The following DNAH7 variants were observed in gnomAD, a reference collection of about 807,000 sequenced individuals.
The protein encoded by DNAH7 is axonemal beta dynein heavy chain 7.
In DNAH7, 397 loss-of-function variants were observed where a neutral mutation model predicts 444.6. The observed-to-expected ratio is 0.89, with a 90% CI of 0.82 to 0.97. The LOEUF is 0.97. DNAH7 is among the 50% of genes least tolerant of loss of function. The pLI is 0.00. For missense variants in DNAH7, 4,902 were observed against 4,800.8 expected, an observed-to-expected ratio of 1.02 and a Z score of -0.62; for synonymous variants, 1,636 against 1,624.4, an observed-to-expected ratio of 1.01 and a Z score of -0.17.
At chr2:195,972,177 G>T in intron 16 of DNAH7, 65 bp downstream of exon 16, 3 of 1,322,288 alleles carry the variant, frequency 2.3e-6, no homozygotes, top group Non-Finnish European at 1.1e-6. Context: ...AATTGACAAT[G>T]CTACATAAAA....
chr2:195,941,705 A>G (rs1342538249), intron 19 of DNAH7, among the ~76,000 whole-genome samples: 1 of 152,166 alleles, frequency 6.6e-6, no homozygotes, highest in Non-Finnish European at 1.5e-5. Context: ...CAGAAAATTG[A>G]TAAGATCCTC....
intron 10 of DNAH7, among the ~76,000 whole-genome samples, chr2:196,004,470 G>T (rs1273478497): frequency 2.6e-5 from 4 of 152,128 alleles, no homozygotes; most frequent in Non-Finnish European, 5.9e-5. Flanking sequence ...AAGACACTTA[G>T]AAATTCACAA....
chr2:195,865,067 T>G, intron 40 of DNAH7, 46 bp from the exon 41 acceptor site: 1 of 1,509,678 alleles, frequency 6.6e-7, no homozygotes, highest in Non-Finnish European at 8.8e-7. Flanking sequence ...CTTCTGATTT[T>G]TAAGAAAGTG....
In DNAH7 at chr2:195,794,466, C is replaced by G; in HGVS notation, c.10588G>C (p.Val3530Leu). The part of the protein sequence containing the change: ...LTSYPSPNFP[V>L]SVLQNGVKMT... ...TTCACTCCATTCTGCAGTACTGACA[C>G]AGGGAAATTTGGAGATGGGTAACTC... Residue 3530 changes from valine to leucine, a missense_variant, in exon 57 of 65, where the codon GTG (valine) becomes CTG (leucine). By Grantham distance (32) the Val-to-Leu change is conservative. Coordinates refer to ENST00000312428, the MANE Select transcript of DNAH7 (RefSeq NM_018897.3). 1 of 1,614,132 alleles carries G rather than the reference C, an allele frequency of 6.2e-7. No individual in the cohort carries two copies. Among genetic ancestry groups the G allele is most frequent in the Non-Finnish European group, 8.5e-7 (1 of 1,180,014 alleles).
chr2:195,781,277 T>G (rs182015939), intron 58 of DNAH7, among the ~76,000 whole-genome samples: 34 of 151,884 alleles, frequency 2.2e-4, no homozygotes, highest in African/African-American at 8.0e-4. Flanking sequence ...GTAAATGAGG[T>G]AGAGGTGGAT....
At chr2:195,908,703 A>G (rs1687184263) in intron 25 of DNAH7, among the ~76,000 whole-genome samples, 1 of 152,160 alleles carries the variant, frequency 6.6e-6, no homozygotes, top group South Asian at 2.1e-4. Context: ...GGTTGATTCC[A>G]TATCTTTGCT....
chr2:195,771,634 G>T (rs76167292), intron 61 of DNAH7, 26 bp downstream of exon 61: 33,661 of 1,499,698 alleles, frequency 0.022, 448 homozygotes, highest in Non-Finnish European at 0.027. Flanking sequence ...TTTAATGGGG[G>T]TTTTTTTTGG....
intron 27 of DNAH7, chr2:195,904,458 C>T (rs1686893385): frequency 6.6e-6 from 1 of 152,146 alleles, no homozygotes; most frequent in Admixed American, 6.6e-5. Flanking sequence ...AATGGCAGGA[C>T]AGATGCAACT....
intron 61 of DNAH7, among the ~76,000 whole-genome samples, chr2:195,760,657 A>C (rs1238565994): frequency 6.6e-6 from 1 of 152,124 alleles, no homozygotes; most frequent in Non-Finnish European, 1.5e-5. Flanking sequence ...AGTCTTCTGA[A>C]CCTTATCCAA....
intron 27 of DNAH7, chr2:195,902,866 C>T (rs1011141858): frequency 1.3e-5 from 2 of 152,082 alleles, no homozygotes; most frequent in African/African-American, 4.8e-5. Flanking sequence ...GGTTGTGCAG[C>T]ATACAGATAT....
chr2:196,056,377 G>A (rs936591366), intron 2 of DNAH7, among the ~76,000 whole-genome samples: 1 of 150,980 alleles, frequency 6.6e-6, no homozygotes, highest in Admixed American at 6.6e-5. Flanking sequence ...CCCGGGAGGC[G>A]GAGGTTGCAG....
intron 19 of DNAH7, among the ~76,000 whole-genome samples, chr2:195,945,283 A>G (rs1179752584): frequency 6.6e-6 from 1 of 152,136 alleles, no homozygotes; most frequent in African/African-American, 2.4e-5. Flanking sequence ...AGGATTTACT[A>G]CTTCTGCCCC....
intron 8 of DNAH7, among the ~76,000 whole-genome samples, chr2:196,023,352 A>G (rs180750169): frequency 1.3e-5 from 2 of 152,328 alleles, no homozygotes; most frequent in Non-Finnish European, 2.9e-5. Context: ...CTGTGAGCCA[A>G]CTAAACCTCT....
chr2:196,000,772 C>T lies in DNAH7; in HGVS notation c.1285G>A (p.Val429Ile), dbSNP rs761103599. 43 of 1,601,824 alleles carry T rather than the reference C, an allele frequency of 2.7e-5. No homozygotes were observed. The African/African-American group carries it at 5.2e-4, about 19-fold the overall frequency. ...LSDYIDIFLN[V>I]YDVMIKAVSF... ...ACAGCTTTAATCATGACGTCATAAACATTTAGAAAGATATCTATATAGTCA... is the reference window on the plus strand; with the variant it reads ...ACAGCTTTAATCATGACGTCATAAATATTTAGAAAGATATCTATATAGTCA... The change falls in exon 12 of 65, where the codon GTT (valine) becomes ATT (isoleucine). Residue 429 changes from valine to isoleucine, a missense_variant. Physicochemically the swap from Val to Ile is conservative, Grantham distance 29. Coordinates refer to ENST00000312428, the MANE Select transcript of DNAH7 (RefSeq NM_018897.3).
intron 61 of DNAH7, among the ~76,000 whole-genome samples, chr2:195,761,027 A>G (rs1289646000): frequency 6.6e-6 from 1 of 152,198 alleles, no homozygotes; most frequent in Non-Finnish European, 1.5e-5. Flanking sequence ...AGATACAGAT[A>G]TGTGACCTTG....
At chr2:195,867,316 T>A (rs555189098) in intron 40 of DNAH7, among the ~76,000 whole-genome samples, 1 of 152,218 alleles carries the variant, frequency 6.6e-6, no homozygotes, top group Non-Finnish European at 1.5e-5. Context: ...TTTAAAAAGT[T>A]GACACTTAAA....
At chr2:195,927,391 A>G (rs1407187532) in intron 21 of DNAH7, among the ~76,000 whole-genome samples, 4 of 152,148 alleles carry the variant, frequency 2.6e-5, no homozygotes, top group Admixed American at 2.0e-4. Context: ...TATTTATAGA[A>G]TGGAACAATG....
intron 19 of DNAH7, among the ~76,000 whole-genome samples, chr2:195,943,775 A>G (rs912008362): frequency 1.3e-5 from 2 of 152,110 alleles, no homozygotes; most frequent in African/African-American, 4.8e-5. Flanking sequence ...TTAACTCTCA[A>G]ATGTTCTCCA....
At chr2:196,049,846 T>C (rs12622214) in intron 3 of DNAH7, among the ~76,000 whole-genome samples, 6,712 of 152,320 alleles carry the variant, frequency 0.044, 341 homozygotes, top group African/African-American at 0.12. Flanking sequence ...TTTCTACATC[T>C]GTAAACTAAC....
Sources: allele counts gnomAD v4.1 joint callset (sites outside exome capture counted in the v4.1 genomes callset), GRCh38; gene constraint gnomAD v4.1.1; transcripts MANE v1.5; gene names NCBI Gene and HGNC (gene_info 2026-07-23, HGNC 2026-07-21).